AP5Z1: variants seen among roughly 807,000 people sequenced by gnomAD.
AP5Z1 encodes the protein adaptor related protein complex 5 subunit zeta 1, also known as AP-5 complex subunit zeta-1.
In AP5Z1, 106 loss-of-function variants were observed where a neutral mutation model predicts 83.0. That is an observed-to-expected ratio of 1.28 (90% CI 1.09 to 1.50). The LOEUF (loss-of-function observed/expected upper bound fraction) is 1.50, where lower values mean the gene tolerates loss of function less well. AP5Z1 is among the 40% of genes most tolerant of loss of function. The pLI is 0.00. For synonymous variants in AP5Z1, 751 were observed against 514.1 expected, an observed-to-expected ratio of 1.46 and a Z score of -6.23; for missense variants, 1,565 against 1,094.2, an observed-to-expected ratio of 1.43 and a Z score of -6.07.
chr7:4,783,727 C>G lies in AP5Z1; in HGVS notation c.550C>G (p.Leu184Val). 1 of 1,550,626 alleles carries G rather than the reference C, an allele frequency of 6.4e-7. No homozygotes were observed. The highest frequency in any genetic ancestry group is 8.7e-7 in the Non-Finnish European group (1 of 1,147,072). ...GCTCAGCAAGCGGCTGGTCGACTGG[C>G]TGCGCTACGCCAGCCTCCAGCAAGG... ...TLLSKRLVDW[L>V]RYASLQQGLP... Residue 184 changes from leucine to valine, a missense_variant, in exon 5 of 17, where the codon CTG becomes GTG. Physicochemically the swap from Leu to Val is conservative, Grantham distance 32. Transcript: ENST00000649063.
chr7:4,784,273 G>A lies in AP5Z1; in HGVS notation c.692G>A (p.Arg231His), dbSNP rs749326601. The A allele has an allele frequency of 3.1e-5, 47 of 1,539,358 alleles. No individual in the cohort carries two copies. Among genetic ancestry groups the A allele is most frequent in the African/African-American group, 9.7e-5 (7 of 72,020 alleles). The part of the protein sequence containing the change: ...DFFTVLSSGH[R>H]FTDDQWLNVQ... Reference sequence around the variant, plus strand: ...TTCACGGTGCTCTCCAGCGGCCACCGCTTCACAGACGACCAGTGGCTGAAC... The same window carrying A: ...TTCACGGTGCTCTCCAGCGGCCACCACTTCACAGACGACCAGTGGCTGAAC... Residue 231 changes from arginine (R) to histidine (H), a missense_variant, in exon 6 of 17, where the codon CGC becomes CAC. By Grantham distance (29) the Arg-to-His change is conservative. Transcript: ENST00000649063.
At chr7:4,781,532 CG>C in intron 2 of AP5Z1, 35 bp from the exon 3 acceptor site, 1 of 1,593,420 alleles carries the variant, frequency 6.3e-7, no homozygotes, top group Non-Finnish European at 8.6e-7. Context: ...ACGGTCGTGA[CG>C]TGTTACCGCC....
At chr7:4,785,117 G>A in intron 7 of AP5Z1, 69 bp downstream of exon 7, 4 of 1,526,182 alleles carry the variant, frequency 2.6e-6, no homozygotes, top group South Asian at 1.3e-5. Context: ...GCCACCTGAG[G>A]CCAGCACAGC....
chr7:4,791,088 G>A, intron 16 of AP5Z1, 27 bp from the exon 17 acceptor site: 1 of 1,544,382 alleles, frequency 6.5e-7, no homozygotes, highest in Non-Finnish European at 8.7e-7. Flanking sequence ...AGCATCTGCA[G>A]CTGACGGAGG....
intron 2 of AP5Z1, 60 bp from the exon 3 acceptor site, chr7:4,781,508 C>A (rs933727184): frequency 1.9e-6 from 3 of 1,572,170 alleles, no homozygotes; most frequent in South Asian, 2.3e-5. Context: ...TCTGGGGCAC[C>A]GGGTGCTCCT....
intron 3 of AP5Z1, 75 bp downstream of exon 3, chr7:4,781,829 G>A (rs1297789275): frequency 7.0e-7 from 1 of 1,434,936 alleles, no homozygotes; most frequent in Non-Finnish European, 9.2e-7. Context: ...GGAAGCAGGG[G>A]CGCCAGAGCC....
At chr7:4,789,992 T>TCCCCCCCCCCCC in intron 14 of AP5Z1, 63 bp downstream of exon 14, 1 of 516,478 alleles carries the variant, frequency 1.9e-6, no homozygotes, top group Admixed American at 7.0e-5. Context: ...CCTCCCCCTC[T>TCCCCCCCCCCCC]CCCCTCCCCC....
At chr7:4,785,331 G>T in intron 7 of AP5Z1, 84 bp from the exon 8 acceptor site, 1 of 1,535,842 alleles carries the variant, frequency 6.5e-7, no homozygotes, top group Non-Finnish European at 8.8e-7. Flanking sequence ...GGTCCTGCCT[G>T]GAGCTTCCAG....
rs1781618373 is a variant in AP5Z1, at chr7:4,788,189, A to T, written c.1490A>T (p.Asp497Val). Residue 497 changes from aspartate to valine, a missense_variant, in exon 12 of 17, where the codon GAC becomes GTC. Transcript: ENST00000649063. The part of the protein sequence containing the change: ...APAASERPLW[D>V]TSLRAPSCLE... ...GCTGCATCCGAGAGGCCACTCTGGG[A>T]CACCTCTCTCAGGGCCCCCAGCTGC... 2 of 1,559,408 alleles carry T rather than the reference A, an allele frequency of 1.3e-6. No homozygotes were observed. Among genetic ancestry groups the T allele is most frequent in the Non-Finnish European group, 1.7e-6 (2 of 1,152,806 alleles).
intron 3 of AP5Z1, among the ~76,000 whole-genome samples, chr7:4,782,922 C>G (rs899971000): frequency 6.6e-6 from 1 of 152,256 alleles, no homozygotes; most frequent in African/African-American, 2.4e-5. Flanking sequence ...CTGGGTGTCT[C>G]TGGTGCTGCT....
chr7:4,788,886 C>G lies in AP5Z1; in HGVS notation c.1642C>G (p.Arg548Gly), dbSNP rs777692803. The G allele has an allele frequency of 2.5e-6, 4 of 1,610,660 alleles. No individual in the cohort carries two copies. Among genetic ancestry groups the G allele is most frequent in the Non-Finnish European group, 3.4e-6 (4 of 1,179,274 alleles). The change falls in exon 13 of 17, where the codon CGC becomes GGC. Residue 548 changes from arginine to glycine, a missense_variant. Arg to Gly is a moderately radical substitution (Grantham distance 125, BLOSUM62 -2). Coordinates refer to ENST00000649063, the MANE Select transcript of AP5Z1 (RefSeq NM_014855.3). ...QLLQPMAGCA[R>G]VAQCAQAVPT... The stretch of plus-strand genomic sequence containing the variant: ...GCTGCAGCCCATGGCCGGCTGTGCC[C>G]GCGTGGCCCAGTGTGCCCAGGCCGT...
Position 4,792,810 on chromosome 7 carries a change from G to C in AP5Z1, c.*1425G>C, listed in dbSNP as rs375334869. 19 of 152,436 alleles carry C rather than the reference G, an allele frequency of 1.2e-4. No individual in the cohort carries two copies. The highest frequency in any genetic ancestry group is 4.1e-4 in the African/African-American group (17 of 41,586). The allele number at this position is 152,436 out of a possible 1,614,324, so 9.4% of individuals were successfully genotyped here. ...CATACCAAGGCGTGCGTGCCAGTGC[G>C]CGGGTCTCGGGATCACTTCCCAGTG... On this transcript the variant is annotated 3_prime_UTR_variant, in exon 17 of 17. Transcript: ENST00000649063.
chr7:4,783,499 C>T lies in AP5Z1; in HGVS notation c.511+39C>T, dbSNP rs1351757354. ...CTCCCAAGAGGCTGTTGGGGGTCTG[C>T]CTTCCCAGGTCCTTCCCTGAGGGCC... On this transcript the variant is annotated intron_variant, in intron 4 of 16. Coordinates refer to ENST00000649063, the MANE Select transcript of AP5Z1 (RefSeq NM_014855.3). The T allele has an allele frequency of 3.7e-6, 6 of 1,601,344 alleles. No individual in the cohort carries two copies. In the Admixed American group the frequency reaches 8.4e-5, roughly 22 times the overall value.
chr7:4,781,694 C>G lies in AP5Z1; in HGVS notation c.306C>G (p.Ala102=). The G allele has an allele frequency of 6.3e-7, 1 of 1,591,432 alleles. No individual in the cohort carries two copies. The highest frequency in any genetic ancestry group is 8.6e-7 in the Non-Finnish European group (1 of 1,162,136). ...CCCCCTCTGACAGCCTCAGCCTGGC[C>G]TGGGACCACACGCAGAACAGCCGGC... ...EMSPSDSLSL[A]WDHTQNSRQL... is the part of the protein sequence containing the mutation. The change falls in exon 3 of 17, where the codon GCC becomes GCG. Residue 102 remains alanine (A), a synonymous_variant. Transcript: ENST00000649063.
Position 4,790,601 on chromosome 7 carries a change from G to T in AP5Z1, c.1938+10G>T. ...CCTCGTCACCAGCGTGGTAAGGCGG[G>T]CGCTGGCCTCCCACAGCCGCTCCTG... On this transcript the variant is annotated intron_variant, in intron 15 of 16. Transcript: ENST00000649063. 6.2e-7 allele frequency: 1 copy of T among 1,612,522 alleles called. No individual in the cohort carries two copies. The highest frequency in any genetic ancestry group is 8.5e-7 in the Non-Finnish European group (1 of 1,179,652).
intron 6 of AP5Z1, among the ~76,000 whole-genome samples, chr7:4,784,696 T>C (rs1332681834): frequency 6.6e-6 from 1 of 152,166 alleles, no homozygotes; most frequent in Non-Finnish European, 1.5e-5. Flanking sequence ...GGCTGCTCTG[T>C]GGACTTGTTG....
chr7:4,785,385 G>C (rs752492952), intron 7 of AP5Z1, 30 bp from the exon 8 acceptor site: 39 of 1,610,812 alleles, frequency 2.4e-5, no homozygotes, highest in Non-Finnish European at 3.1e-5. Flanking sequence ...GGCTGAGACA[G>C]AGCCGGCTGA....
rs768017182 is a variant in AP5Z1 at position 4,783,717 on chromosome 7, G to A, written c.540G>A (p.Leu180=). 4.8e-5 allele frequency: 74 copies of A among 1,550,462 alleles called. No individual in the cohort carries two copies. The South Asian group carries it at 6.8e-4, about 14-fold the overall frequency. ...EDQATLLSKR[L]VDWLRYASLQ... is the part of the protein sequence containing the mutation. The stretch of plus-strand genomic sequence containing the variant: ...AGGCCACCCTGCTCAGCAAGCGGCT[G>A]GTCGACTGGCTGCGCTACGCCAGCC... The change falls in exon 5 of 17, where the codon CTG becomes CTA. Residue 180 remains leucine, a synonymous_variant. Transcript: ENST00000649063.
chr7:4,784,341 G>T lies in AP5Z1; in HGVS notation c.760G>T (p.Gly254Cys), dbSNP rs772318205. The T allele has an allele frequency of 1.3e-6, 2 of 1,597,842 alleles. No homozygotes were observed. The highest frequency in any genetic ancestry group is 1.7e-5 in the Admixed American group (1 of 57,688). Residue 254 changes from glycine to cysteine, a missense_variant, in exon 6 of 17, where the codon GGC becomes TGC. Physicochemically the swap from Gly to Cys is radical, Grantham distance 159. Coordinates refer to ENST00000649063, the MANE Select transcript of AP5Z1 (RefSeq NM_014855.3). ...GCTGCGGGCGTGGCTGCTGCACAGC[G>T]GCCCCGAGGGCCCGGGCACCCTGGA... Reference protein sequence around the residue: ...SMLRAWLLHSGPEGPGTLDTD... With the variant: ...SMLRAWLLHSCPEGPGTLDTD...
Sources: gnomAD v4.1 joint callset for allele counts (sites outside exome capture counted in the v4.1 genomes callset) on GRCh38, gnomAD v4.1.1 for gene constraint, MANE v1.5 for transcripts, NCBI Gene and HGNC (gene_info 2026-07-23, HGNC 2026-07-21) for gene names.